RANBP2: variants seen among roughly 807,000 people sequenced by gnomAD.
RANBP2 encodes RAN binding protein 2, also known as E3 SUMO-protein ligase RanBP2.
Under a neutral mutation model 303.6 loss-of-function variants are expected in RANBP2, and 57 were observed. That is an observed-to-expected ratio of 0.19 (90% confidence interval 0.15 to 0.23). The LOEUF is 0.23. RANBP2 is among the 10% of genes least tolerant of loss of function. The pLI is 1.00. For missense variants in RANBP2, 3,138 were observed against 3,780.8 expected, an observed-to-expected ratio of 0.83 and a Z score of 4.46; for synonymous variants, 1,167 against 1,301.5, an observed-to-expected ratio of 0.90 and a Z score of 2.23.
the RANBP2 span, among the ~76,000 whole-genome samples, chr2:108,933,624 C>G: frequency 6.6e-6 from 1 of 152,206 alleles, no homozygotes; most frequent in African/African-American, 2.4e-5. Context: ...TTCCCACACA[C>G]TGCCTGCACT....
the RANBP2 span, among the ~76,000 whole-genome samples, chr2:109,589,284 G>A: frequency 6.6e-6 from 1 of 152,104 alleles, no homozygotes; most frequent in Non-Finnish European, 1.5e-5. Context: ...TATAATCTCA[G>A]CACTTTAGGA....
At chr2:108,897,405 C>T in the RANBP2 span, among the ~76,000 whole-genome samples, 34 of 152,124 alleles carry the variant, frequency 2.2e-4, no homozygotes, top group African/African-American at 4.1e-4. Flanking sequence ...ACACCTAGAA[C>T]GCTGCCAGCC....
chr2:108,813,269 A>AAAAG, the RANBP2 span, among the ~76,000 whole-genome samples: 2 of 150,940 alleles, frequency 1.3e-5, no homozygotes, highest in African/African-American at 2.4e-5. Flanking sequence ...AAAAAAAAAA[A>AAAAG]AAAGAAAATT....
At chr2:109,574,443 T>TAAAA in the RANBP2 span, 930 of 270,770 alleles carry the variant, frequency 3.4e-3, 1 homozygote, top group East Asian at 9.2e-3. Context: ...ACTTTATCTC[T>TAAAA]AAAAAAAAAA....
At chr2:109,317,356 C>T in the RANBP2 span, among the ~76,000 whole-genome samples, 1 of 152,120 alleles carries the variant, frequency 6.6e-6, no homozygotes, top group African/African-American at 2.4e-5. Flanking sequence ...GGTGCCGCCC[C>T]AGCCCCAGGG....
At chr2:109,324,899 T>C in the RANBP2 span, among the ~76,000 whole-genome samples, 1 of 152,214 alleles carries the variant, frequency 6.6e-6, no homozygotes, top group Admixed American at 6.5e-5. Flanking sequence ...ACGGTGGAGC[T>C]GTCGCTTCCC....
At chr2:109,212,454 T>C in the RANBP2 span, among the ~76,000 whole-genome samples, 1 of 152,320 alleles carries the variant, frequency 6.6e-6, no homozygotes, top group Admixed American at 6.5e-5. Flanking sequence ...AGTCTCAAAA[T>C]GAATTTGTTA....
the RANBP2 span, among the ~76,000 whole-genome samples, chr2:109,536,443 C>G: frequency 6.6e-6 from 1 of 152,224 alleles, no homozygotes; most frequent in African/African-American, 2.4e-5. Flanking sequence ...CCTGTAGCCC[C>G]TTTCTTTTGG....
At chr2:109,050,407 CCA>C in the RANBP2 span, among the ~76,000 whole-genome samples, 1 of 149,170 alleles carries the variant, frequency 6.7e-6, no homozygotes, top group Non-Finnish European at 1.5e-5. Context: ...GCGCAAGCCA[CCA>C]CACCAGGCGA....
At chr2:109,217,294 C>T in the RANBP2 span, among the ~76,000 whole-genome samples, 1 of 151,952 alleles carries the variant, frequency 6.6e-6, no homozygotes, top group Non-Finnish European at 1.5e-5. Context: ...TTTTCAAATA[C>T]AGAGTCCTTG....
At chr2:109,545,129 T>C in the RANBP2 span, 2 of 985,290 alleles carry the variant, frequency 2.0e-6, no homozygotes, top group Non-Finnish European at 2.4e-6. Context: ...ACCAGATGTG[T>C]TGCTCTGTGG....
chr2:108,821,771 C>T, the RANBP2 span, among the ~76,000 whole-genome samples: 1 of 151,768 alleles, frequency 6.6e-6, no homozygotes, highest in Non-Finnish European at 1.5e-5. Flanking sequence ...ATGGTGAAAC[C>T]CCATCTCTAC....
chr2:109,664,065 T>C, the RANBP2 span, among the ~76,000 whole-genome samples: 2 of 152,214 alleles, frequency 1.3e-5, no homozygotes, highest in African/African-American at 2.4e-5. Flanking sequence ...ATCACTCCTA[T>C]GTAAAGCAGA....
chr2:109,577,298 TA>T, the RANBP2 span, among the ~76,000 whole-genome samples: 1 of 152,104 alleles, frequency 6.6e-6, no homozygotes, highest in Admixed American at 6.6e-5. Context: ...CTCGTGTAGT[TA>T]AAAAATAGAG....
At chr2:109,553,911 C>T in the RANBP2 span, among the ~76,000 whole-genome samples, 4 of 151,688 alleles carry the variant, frequency 2.6e-5, no homozygotes, top group South Asian at 4.2e-4. Flanking sequence ...TCACCTAATG[C>T]CATCAATAGG....
At chr2:109,072,171 T>C in the RANBP2 span, among the ~76,000 whole-genome samples, 1 of 152,216 alleles carries the variant, frequency 6.6e-6, no homozygotes, top group Non-Finnish European at 1.5e-5. Flanking sequence ...GATGTAGTGA[T>C]TTATTGATGA....
chr2:108,763,715 C>T lies in RANBP2; in HGVS notation c.3176C>T (p.Ala1059Val). 1.2e-6 allele frequency: 2 copies of T among 1,614,106 alleles called. No individual in the cohort carries two copies. The highest frequency in any genetic ancestry group is 1.7e-6 in the Non-Finnish European group (2 of 1,179,974). Residue 1059 changes from alanine to valine, a missense_variant, in exon 20 of 29, where the codon GCT (alanine) becomes GTT (valine). Physicochemically the swap from Ala to Val is moderately conservative, Grantham distance 64. Transcript: ENST00000283195. ...PQVVTQPPPA[A>V]YSNSESLLGL... Reference sequence around the variant, plus strand: ...GTTGTGACACAGCCCCCTCCTGCAGCTTACAGTAACAGTGAAAGCCTTTTA... The same window carrying T: ...GTTGTGACACAGCCCCCTCCTGCAGTTTACAGTAACAGTGAAAGCCTTTTA...
the RANBP2 span, among the ~76,000 whole-genome samples, chr2:109,284,750 G>A: frequency 4.6e-5 from 7 of 152,132 alleles, no homozygotes; most frequent in South Asian, 6.2e-4. Context: ...TGAAGTCCCC[G>A]CATGGCTAAG....
At chr2:109,460,375 C>T in the RANBP2 span, among the ~76,000 whole-genome samples, 1 of 152,290 alleles carries the variant, frequency 6.6e-6, no homozygotes, top group East Asian at 1.9e-4. Flanking sequence ...GGAGTGGTGA[C>T]ATGCTGGGGA....
Sources: gnomAD v4.1 joint callset for allele counts (sites outside exome capture counted in the v4.1 genomes callset) on GRCh38, gnomAD v4.1.1 for gene constraint, MANE v1.5 for transcripts, NCBI Gene and HGNC (gene_info 2026-07-23, HGNC 2026-07-21) for gene names.